THBS4: variants seen among roughly 807,000 people sequenced by gnomAD.
THBS4 encodes the protein thrombospondin 4.
A neutral mutation model predicts 115.7 loss-of-function variants in THBS4; 90 were observed. The ratio of observed to expected loss-of-function variants is 0.78; its 90% CI spans 0.66 to 0.93. The LOEUF (loss-of-function observed/expected upper bound fraction) is 0.93. Ranked by LOEUF, THBS4 falls within the 40% of genes least tolerant of loss-of-function variation. The pLI is 0.00. For missense variants in THBS4, 1,087 were observed against 1,232.7 expected (o/e 0.88, Z 1.77); for synonymous variants, 460 against 479.3 (o/e 0.96, Z 0.53).
At chr5:80,046,731 C>G (rs543227354) in intron 2 of THBS4, among the ~76,000 whole-genome samples, 4 of 151,986 alleles carry the variant, frequency 2.6e-5, no homozygotes, top group African/African-American at 9.6e-5. Context: ...TAAAAAAGAA[C>G]GAGCTAGGTA....
At chr5:80,075,236 A>G (rs1240799099) in intron 15 of THBS4, 1 of 152,220 alleles carries the variant, frequency 6.6e-6, no homozygotes, top group African/African-American at 2.4e-5. Flanking sequence ...AACCGCGGAT[A>G]CAGAGGCCTG....
chr5:80,035,654 C>T lies in THBS4; in HGVS notation c.88+29C>T. The stretch of plus-strand genomic sequence containing the variant: ...AGTGGGTTCGGGTCGGGCCTGGGAG[C>T]GCCGGGCACCGGGTGCCCCATCTGC... On this transcript the variant is annotated intron_variant, in intron 1 of 21. Transcript: ENST00000350881. The surrounding 1 kb of genome is among the most constrained non-coding windows in gnomAD (Gnocchi z 4.6). 3 of 1,300,398 alleles carry T rather than the reference C, an allele frequency of 2.3e-6. No homozygotes were observed. Among genetic ancestry groups the T allele is most frequent in the Non-Finnish European group, 2.0e-6 (2 of 1,019,640 alleles). The allele number at this position is 1,300,398 out of a possible 1,614,324, so 80.6% of individuals were successfully genotyped here. A position where few individuals can be genotyped will look rare whatever the true frequency, so the allele number is the denominator to read the frequency against.
At chr5:80,045,503 C>T (rs1429424567) in intron 2 of THBS4, among the ~76,000 whole-genome samples, 1 of 148,262 alleles carries the variant, frequency 6.7e-6, no homozygotes, top group East Asian at 2.0e-4. Flanking sequence ...TGAGGGGCCT[C>T]AAACATTAAT....
At chr5:79,995,633 C>A (rs573003863) in intron 1 of THBS4, among the ~76,000 whole-genome samples, 9 of 151,966 alleles carry the variant, frequency 5.9e-5, no homozygotes, top group Non-Finnish European at 1.3e-4. Context: ...TAGAAATTGC[C>A]CTAAGAGTTG....
At position 80,068,126 on chromosome 5, in the gene THBS4, G is replaced by A. The variant is rs1561321594; in HGVS notation, c.1347+1G>A. 3.1e-6 allele frequency: 5 copies of A among 1,613,178 alleles called. No homozygotes were observed. Among genetic ancestry groups the A allele is most frequent in the Non-Finnish European group, 4.2e-6 (5 of 1,179,668 alleles). On this transcript the variant is annotated splice_donor_variant, in intron 10 of 21. Coordinates refer to ENST00000350881, the MANE Select transcript of THBS4 (RefSeq NM_003248.6). LOFTEE classifies it high-confidence loss of function. ...GAGGCAGGGGGATGTGACATGTGTG[G>A]TAAGTTGTTTTTTGACTTCCTCTAT...
chr5:80,030,452 C>T (rs2112004331), upstream of THBS4, among the ~76,000 whole-genome samples: 1 of 152,178 alleles, frequency 6.6e-6, no homozygotes, highest in East Asian at 1.9e-4. Context: ...ACTGCAACCT[C>T]CACCTCCCGG....
At chr5:79,993,361 A>T (rs572206336) in intron 1 of THBS4, among the ~76,000 whole-genome samples, 31 of 152,344 alleles carry the variant, frequency 2.0e-4, no homozygotes, top group African/African-American at 7.5e-4. Context: ...AGCTGATTGC[A>T]CAAACAGGCT....
At chr5:80,062,638 AC>A (rs1833675636) in intron 8 of THBS4, among the ~76,000 whole-genome samples, 1 of 152,118 alleles carries the variant, frequency 6.6e-6, no homozygotes, top group Non-Finnish European at 1.5e-5. Flanking sequence ...GCACCTGTTA[AC>A]TTGTCATTTA....
intron 20 of THBS4, 163 bp from the exon 21 acceptor site, chr5:80,082,243 G>A (rs552239808): frequency 2.2e-5 from 19 of 863,940 alleles, no homozygotes; most frequent in Middle Eastern, 3.8e-4. Flanking sequence ...TAGTAAGTAA[G>A]TGGCAACAGC....
At chr5:80,057,749 A>T (rs1452369518) in intron 3 of THBS4, among the ~76,000 whole-genome samples, 1 of 152,256 alleles carries the variant, frequency 6.6e-6, no homozygotes, top group Non-Finnish European at 1.5e-5. Context: ...CCTAATGATC[A>T]TAGAAGATAT....
chr5:80,048,717 A>C (rs1833157424), intron 2 of THBS4, among the ~76,000 whole-genome samples: 1 of 152,094 alleles, frequency 6.6e-6, no homozygotes, highest in Admixed American at 6.5e-5. Flanking sequence ...ACTTTGAAAC[A>C]GACTGCATTT....
intron 2 of THBS4, among the ~76,000 whole-genome samples, chr5:80,044,010 C>T (rs1832984582): frequency 6.6e-6 from 1 of 152,306 alleles, no homozygotes; most frequent in East Asian, 1.9e-4. Context: ...GCTGCCTCTC[C>T]TCCATCCTTT....
At chr5:80,040,388 C>T (rs1198535459) in intron 2 of THBS4, 108 bp downstream of exon 2, 1 of 876,454 alleles carries the variant, frequency 1.1e-6, no homozygotes, top group Non-Finnish European at 1.7e-6. Context: ...TATTCTCACT[C>T]ACTAGTCATT....
At chr5:80,048,862 A>T (rs1447697462) in intron 2 of THBS4, among the ~76,000 whole-genome samples, 6 of 152,262 alleles carry the variant, frequency 3.9e-5, no homozygotes, top group Non-Finnish European at 1.5e-5. Context: ...AAAGGCAAAC[A>T]AGAATATCCA....
chr5:80,055,342 G>A (rs1833387569), intron 2 of THBS4, among the ~76,000 whole-genome samples: 1 of 151,486 alleles, frequency 6.6e-6, no homozygotes, highest in South Asian at 2.1e-4. Flanking sequence ...AAAAAGGGAA[G>A]AAATCAAGTA....
rs147248793 is a variant in THBS4 at position 80,006,069 on chromosome 5, G to A, written n.177+7642G>A. Among the ~76,000 whole-genome samples, 16 of 152,224 alleles carry A rather than the reference G, an allele frequency of 1.1e-4. No individual in the cohort carries two copies. The East Asian group carries it at 2.5e-3, about 24-fold the overall frequency. On this transcript the variant is annotated intron_variant and non_coding_transcript_variant, in intron 2 of 3. Coordinates refer to the THBS4 transcript ENST00000510218. ...CGTGAACCACCATGCCCGGCCTGTG[G>A]CATTGTTTTTAAACTAAAGCATGTA...
chr5:80,055,874 C>T lies in THBS4; in HGVS notation c.382C>T (p.Leu128Phe). 1 of 1,614,206 alleles carries T rather than the reference C, an allele frequency of 6.2e-7. No homozygotes were observed. Among genetic ancestry groups the T allele is most frequent in the Non-Finnish European group, 8.5e-7 (1 of 1,180,032 alleles). Residue 128 changes from leucine (L) to phenylalanine (F), a missense_variant, in exon 3 of 22, where the codon CTC becomes TTC. By Grantham distance (22) the Leu-to-Phe change is conservative (BLOSUM62 0). Transcript: ENST00000350881. ...QLADGRRHRILLRLSNLQRGA... is the reference protein window; with the variant it reads ...QLADGRRHRIFLRLSNLQRGA... ...GGCAGACGGAAGGCGGCACAGGATC[C>T]TCCTGAGGCTGAGCAATTTGCAGCG...
chr5:80,040,822 G>T (rs535687428), intron 2 of THBS4, among the ~76,000 whole-genome samples: 5 of 152,324 alleles, frequency 3.3e-5, no homozygotes, highest in Admixed American at 2.0e-4. Flanking sequence ...CATGGCCCTG[G>T]CTTCTGACAA....
At chr5:80,003,442 C>G (rs1466585331) in intron 2 of THBS4, among the ~76,000 whole-genome samples, 1 of 152,206 alleles carries the variant, frequency 6.6e-6, no homozygotes, top group East Asian at 1.9e-4. Flanking sequence ...GGTTAGAGGT[C>G]ACATCATGCT....
Sources: allele counts gnomAD v4.1 joint callset (sites outside exome capture counted in the v4.1 genomes callset), GRCh38; gene constraint gnomAD v4.1.1; non-coding constraint Gnocchi (gnomAD v3.1); transcripts MANE v1.5; gene names NCBI Gene and HGNC (gene_info 2026-07-23, HGNC 2026-07-21).